ARHGAP22: variants seen among roughly 807,000 people sequenced by gnomAD.
The protein encoded by ARHGAP22 is rho GTPase-activating protein 22.
In ARHGAP22, 48 loss-of-function variants were observed where a neutral mutation model predicts 59.1. The observed-to-expected ratio is 0.81, with a 90% CI of 0.64 to 1.03. The LOEUF (loss-of-function observed/expected upper bound fraction) is 1.03, where lower values mean the gene tolerates loss of function less well. Among genes scored for constraint, ARHGAP22 ranks in the 50% least tolerant of loss-of-function variants. The pLI, the probability that ARHGAP22 is intolerant of heterozygous loss-of-function variation, is 0.00. For missense variants in ARHGAP22, 1,015 were observed against 958.7 expected, an observed-to-expected ratio of 1.06 and a Z score of -0.78; for synonymous variants, 445 against 416.4, an observed-to-expected ratio of 1.07 and a Z score of -0.84.
intron 1 of ARHGAP22, among the ~76,000 whole-genome samples, chr10:48,596,433 G>A (rs2060071357): frequency 6.6e-6 from 1 of 152,190 alleles, no homozygotes; most frequent in Non-Finnish European, 1.5e-5. Flanking sequence ...TCGGGCTTGG[G>A]GTGGGGCTGG....
At chr10:48,551,966 G>T (rs1197387467) in intron 3 of ARHGAP22, among the ~76,000 whole-genome samples, 2 of 152,248 alleles carry the variant, frequency 1.3e-5, no homozygotes, top group Admixed American at 6.5e-5. Context: ...AGCTGTGCTG[G>T]CTGAAAGGCT....
Position 48,446,454 on chromosome 10 carries a change from C to T in ARHGAP22, c.2034G>A (p.Glu678=), listed in dbSNP as rs2045355943. Residue 678 remains glutamate (E), a synonymous_variant, in exon 10 of 10, where the codon GAG becomes GAA. Coordinates refer to ENST00000249601, the MANE Select transcript of ARHGAP22 (RefSeq NM_021226.4). ...AGCTTCCTAGGGTCGAAAAAAACTCCTCCATTTCCCTCTGCAACAGCTGGT... is the reference window on the plus strand; with the variant it reads ...AGCTTCCTAGGGTCGAAAAAAACTCTTCCATTTCCCTCTGCAACAGCTGGT... ...RRNQLLQREM[E]EFFSTLGSLT... The T allele has an allele frequency of 1.2e-6, 2 of 1,614,098 alleles. No homozygotes were observed. Among genetic ancestry groups the T allele is most frequent in the African/African-American group, 1.3e-5 (1 of 74,926 alleles).
chr10:48,539,832 A>G (rs368314952), intron 3 of ARHGAP22, among the ~76,000 whole-genome samples: 4 of 152,238 alleles, frequency 2.6e-5, no homozygotes, highest in East Asian at 3.8e-4. Flanking sequence ...CTAATTAGCT[A>G]TTGTTAAATA....
chr10:48,556,057 A>G (rs2057289639), intron 2 of ARHGAP22, among the ~76,000 whole-genome samples: 1 of 152,158 alleles, frequency 6.6e-6, no homozygotes, highest in Admixed American at 6.5e-5. Context: ...GTACCCCACT[A>G]CAGAGAGTGC....
chr10:48,640,697 G>C (rs2062009013), intron 1 of ARHGAP22, among the ~76,000 whole-genome samples: 1 of 152,152 alleles, frequency 6.6e-6, no homozygotes, highest in South Asian at 2.1e-4. Context: ...TTCCTTGCTA[G>C]CTGATCTATG....
At chr10:48,495,853 C>T (rs907759689) in intron 3 of ARHGAP22, among the ~76,000 whole-genome samples, 3 of 152,174 alleles carry the variant, frequency 2.0e-5, no homozygotes, top group Admixed American at 1.3e-4. Flanking sequence ...GGGAGCTGCC[C>T]GAGGCGGAGG....
At position 48,641,799 on chromosome 10, in the gene ARHGAP22, C is replaced by A. The variant is rs188866645; in HGVS notation, c.52+10435G>T. ...GTATTCAATTAGGAAATGAGGAAGT[C>A]AAATTGTCCCTGTTTGCAGATGACA... On this transcript the variant is annotated intron_variant, in intron 1 of 9. Coordinates refer to the ARHGAP22 transcript ENST00000435790. Among the ~76,000 whole-genome samples, 835 of 152,280 alleles carry A rather than the reference C, an allele frequency of 5.5e-3. 8 individuals carry two copies. The highest frequency in any genetic ancestry group is 0.019 in the African/African-American group (799 of 41,532).
At chr10:48,496,949 G>A (rs1400304326) in intron 3 of ARHGAP22, among the ~76,000 whole-genome samples, 1 of 152,114 alleles carries the variant, frequency 6.6e-6, no homozygotes, top group Admixed American at 6.5e-5. Flanking sequence ...GAGTGAAATG[G>A]GTATACCGGA....
chr10:48,440,839 T>C, the ARHGAP22 span, among the ~76,000 whole-genome samples: 1 of 152,076 alleles, frequency 6.6e-6, no homozygotes, highest in African/African-American at 2.4e-5. Flanking sequence ...GTGTGGACAT[T>C]GGTGACTGAT....
intron 6 of ARHGAP22, 127 bp downstream of exon 6, chr10:48,454,875 A>T: frequency 8.4e-7 from 1 of 1,184,964 alleles, no homozygotes; most frequent in Non-Finnish European, 1.1e-6. Context: ...CACACCCCCA[A>T]CACAGCAGGC....
the ARHGAP22 span, chr10:48,435,375 A>G: frequency 1.0e-5 from 2 of 191,264 alleles, no homozygotes; most frequent in Non-Finnish European, 2.1e-5. Flanking sequence ...CAAAGCAACT[A>G]TTATGTGGTG....
intron 1 of ARHGAP22, among the ~76,000 whole-genome samples, chr10:48,648,002 A>T (rs2062385418): frequency 6.6e-6 from 1 of 152,208 alleles, no homozygotes; most frequent in Non-Finnish European, 1.5e-5. Context: ...TATGAAGACA[A>T]AAAGCAGATC....
intron 3 of ARHGAP22, chr10:48,510,437 G>A (rs41510345): frequency 0.22 from 33,517 of 152,092 alleles, 3,788 homozygotes; most frequent in Non-Finnish European, 0.24. Context: ...AGACAACAGA[G>A]GAAAGATCAT....
At chr10:48,515,209 A>T (rs1328548985) in intron 3 of ARHGAP22, among the ~76,000 whole-genome samples, 1 of 152,190 alleles carries the variant, frequency 6.6e-6, no homozygotes. Context: ...TACATTAAAA[A>T]ACACAAGTAG....
At chr10:48,543,955 C>T (rs138824078) in intron 3 of ARHGAP22, among the ~76,000 whole-genome samples, 8,936 of 152,154 alleles carry the variant, frequency 0.059, 349 homozygotes, top group Admixed American at 0.082. Context: ...AACCCCGTCT[C>T]TACTAAAAAT....
intron 1 of ARHGAP22, among the ~76,000 whole-genome samples, chr10:48,637,691 G>A (rs1431885373): frequency 1.3e-5 from 2 of 152,040 alleles, no homozygotes; most frequent in Non-Finnish European, 2.9e-5. Context: ...GTGGATGGAT[G>A]AATTGTGGAT....
intron 1 of ARHGAP22, among the ~76,000 whole-genome samples, chr10:48,652,046 T>C (rs571772512): frequency 6.6e-6 from 1 of 152,224 alleles, no homozygotes; most frequent in African/African-American, 2.4e-5. Flanking sequence ...GCAGCTGCCA[T>C]AGTTCAGGGG....
chr10:48,552,610 A>G (rs2056988663), intron 3 of ARHGAP22, among the ~76,000 whole-genome samples: 1 of 152,170 alleles, frequency 6.6e-6, no homozygotes, highest in Non-Finnish European at 1.5e-5. Context: ...CCTAGTGAGG[A>G]TAAGTCCTTA....
the ARHGAP22 span, among the ~76,000 whole-genome samples, chr10:48,433,496 G>A: frequency 4.6e-5 from 7 of 152,118 alleles, no homozygotes; most frequent in Non-Finnish European, 5.9e-5. Context: ...CACTCTGACT[G>A]GGAAGCTAAT....
Sources: gnomAD v4.1 joint callset for allele counts (sites outside exome capture counted in the v4.1 genomes callset) on GRCh38, gnomAD v4.1.1 for gene constraint, MANE v1.5 for transcripts, NCBI Gene and HGNC (gene_info 2026-07-23, HGNC 2026-07-21) for gene names.